The following MITF variants were observed in gnomAD, a reference collection of about 807,000 sequenced individuals.
MITF encodes microphthalmia-associated transcription factor.
Under a neutral mutation model 60.5 loss-of-function variants are expected in MITF, and 17 were observed. The ratio of observed to expected loss-of-function variants is 0.28; its 90% confidence interval spans 0.19 to 0.42. MITF has a LOEUF of 0.42. Ranked by LOEUF, MITF falls within the 10% of genes least tolerant of loss-of-function variation. The pLI is 1.00. For missense variants in MITF, 622 were observed against 683.5 expected, an observed-to-expected ratio of 0.91 and a Z score of 1.00; for synonymous variants, 260 against 248.5, an observed-to-expected ratio of 1.05 and a Z score of -0.43.
At chr3:69,789,913 G>GTATA (rs139296854) in intron 1 of MITF, among the ~76,000 whole-genome samples, 5 of 148,552 alleles carry the variant, frequency 3.4e-5, no homozygotes, top group African/African-American at 7.4e-5. Context: ...TTGTGTGCAT[G>GTATA]TATATATATA....
intron 2 of MITF, among the ~76,000 whole-genome samples, chr3:69,933,376 A>G (rs913024880): frequency 3.3e-5 from 5 of 152,118 alleles, no homozygotes; most frequent in African/African-American, 4.8e-5. Context: ...ACCATCTTAA[A>G]CTGACATGTG....
chr3:69,874,936 C>T (rs1300467758), intron 1 of MITF, among the ~76,000 whole-genome samples: 1 of 152,178 alleles, frequency 6.6e-6, no homozygotes, highest in East Asian at 1.9e-4. Flanking sequence ...AAGAGGGAGG[C>T]TTTGAAGGTT....
At chr3:69,768,102 A>G (rs1166797573) in intron 1 of MITF, among the ~76,000 whole-genome samples, 16 of 152,244 alleles carry the variant, frequency 1.1e-4, no homozygotes, top group Admixed American at 1.0e-3. Context: ...TCTGCCCACA[A>G]TCAAGCAAAA....
chr3:69,785,869 A>G (rs994653111), intron 1 of MITF, among the ~76,000 whole-genome samples: 1 of 152,170 alleles, frequency 6.6e-6, no homozygotes, highest in Non-Finnish European at 1.5e-5. Context: ...ATGGACAGGT[A>G]GACACATCCA....
chr3:69,785,404 G>C (rs11128143), intron 1 of MITF, among the ~76,000 whole-genome samples: 2 of 151,874 alleles, frequency 1.3e-5, no homozygotes, highest in South Asian at 2.1e-4. Flanking sequence ...CCATGAGCTC[G>C]GTACCATCTT....
intron 1 of MITF, among the ~76,000 whole-genome samples, chr3:69,865,910 G>C (rs2064105044): frequency 6.6e-6 from 1 of 152,178 alleles, no homozygotes; most frequent in Non-Finnish European, 1.5e-5. Flanking sequence ...ACTGGTATGT[G>C]AAATTACCTC....
intron 1 of MITF, among the ~76,000 whole-genome samples, chr3:69,840,061 G>A (rs2063608044): frequency 6.6e-6 from 1 of 152,164 alleles, no homozygotes; most frequent in Non-Finnish European, 1.5e-5. Context: ...AAATGCTGAT[G>A]TAAGCAAGGG....
Position 69,960,841 on chromosome 3 carries a change from A to G in MITF, c.1179+1421A>G, listed in dbSNP as rs188437804. Among the ~76,000 whole-genome samples, 9 of 152,242 alleles carry G rather than the reference A, an allele frequency of 5.9e-5. No individual in the cohort carries two copies. In the East Asian group the frequency reaches 1.4e-3, roughly 23 times the overall value. On this transcript the variant is annotated intron_variant, in intron 9 of 9. Transcript: ENST00000352241. ...ATGGTCTCCAGTCTTCTGAATGCTT[A>G]TATTTTGAAATGCCACATCTCTCAT...
chr3:69,808,551 C>T (rs1256816614), intron 1 of MITF, among the ~76,000 whole-genome samples: 1 of 151,942 alleles, frequency 6.6e-6, no homozygotes, highest in Non-Finnish European at 1.5e-5. Context: ...TAGGGAAGGC[C>T]TCCCTAGGGA....
intron 2 of MITF, among the ~76,000 whole-genome samples, chr3:69,914,109 A>C (rs566801459): frequency 1.1e-4 from 16 of 152,092 alleles, no homozygotes; most frequent in Admixed American, 2.0e-4. Flanking sequence ...TCATGCTATT[A>C]GAATGGAACT....
intron 1 of MITF, among the ~76,000 whole-genome samples, chr3:69,798,763 A>G (rs894210531): frequency 9.8e-5 from 15 of 152,322 alleles, no homozygotes; most frequent in African/African-American, 2.9e-4. Flanking sequence ...CTGAAAATGC[A>G]TTATACTCCT....
At chr3:69,814,454 A>T (rs2063149578) in intron 1 of MITF, among the ~76,000 whole-genome samples, 1 of 151,988 alleles carries the variant, frequency 6.6e-6, no homozygotes, top group South Asian at 2.1e-4. Context: ...TCATCCTCTC[A>T]AGTAGCTCGA....
chr3:69,771,647 A>C (rs2106840254), intron 1 of MITF, among the ~76,000 whole-genome samples: 2 of 152,348 alleles, frequency 1.3e-5, no homozygotes, highest in Middle Eastern at 6.8e-3. Flanking sequence ...CATTGCAGTA[A>C]ATGCTAAAAT....
chr3:69,747,662 G>A (rs1358934680), intron 1 of MITF, among the ~76,000 whole-genome samples: 1 of 152,206 alleles, frequency 6.6e-6, no homozygotes, highest in Non-Finnish European at 1.5e-5. Flanking sequence ...TTATAACTCA[G>A]TCTTAAATGT....
rs1051690782 is a variant in MITF at position 69,966,996 on chromosome 3, A to G, written c.*1748A>G. ...TTCCTTCAGATATTTTTAATATTAA[A>G]TATATTTTAGTGACAGAGTGCCAAC... is the stretch of plus-strand genomic sequence containing the variant. On this transcript the variant is annotated 3_prime_UTR_variant, in exon 10 of 10. Transcript: ENST00000352241. 23 of 231,884 alleles carry G rather than the reference A, an allele frequency of 9.9e-5. No homozygotes were observed. Among genetic ancestry groups the G allele is most frequent in the South Asian group, 3.6e-4 (2 of 5,514 alleles). The allele number at this position is 231,884 out of a possible 1,614,324, so 14.4% of individuals were successfully genotyped here.
intron 2 of MITF, among the ~76,000 whole-genome samples, chr3:69,919,909 C>T (rs1575963552): frequency 6.6e-6 from 1 of 151,276 alleles, no homozygotes; most frequent in Non-Finnish European, 1.5e-5. Context: ...GGCGCCAAGG[C>T]AAGAGACCGA....
chr3:69,951,960 T>C (rs925006978), intron 7 of MITF, 74 bp downstream of exon 7: 1 of 1,139,666 alleles, frequency 8.8e-7, no homozygotes. Context: ...TTCCAGAAAT[T>C]CTGTAGAGGA....
chr3:69,772,506 G>A (rs1415816713), intron 1 of MITF, among the ~76,000 whole-genome samples: 1 of 152,170 alleles, frequency 6.6e-6, no homozygotes, highest in Non-Finnish European at 1.5e-5. Context: ...TTCCACTTCT[G>A]TGCATGTGAC....
At chr3:69,935,111 G>A (rs557766590) in intron 2 of MITF, among the ~76,000 whole-genome samples, 34 of 152,298 alleles carry the variant, frequency 2.2e-4, no homozygotes, top group African/African-American at 7.5e-4. Flanking sequence ...CGTAGCTCAT[G>A]TTCCTCATTT....
Sources: gnomAD v4.1 joint callset for allele counts (sites outside exome capture counted in the v4.1 genomes callset) on GRCh38, gnomAD v4.1.1 for gene constraint, MANE v1.5 for transcripts, NCBI Gene and HGNC (gene_info 2026-07-23, HGNC 2026-07-21) for gene names.